IMMP2L: variants seen among roughly 807,000 people sequenced by gnomAD.
IMMP2L encodes the protein inner mitochondrial membrane peptidase subunit 2.
In IMMP2L, 18 loss-of-function variants were observed where a neutral mutation model predicts 19.3. That is an observed-to-expected ratio of 0.93 (90% CI 0.64 to 1.38). The LOEUF (loss-of-function observed/expected upper bound fraction) is 1.38, where lower values mean the gene tolerates loss of function less well. IMMP2L is among the 40% of genes most tolerant of loss of function. IMMP2L has a pLI of 0.00. For missense variants in IMMP2L, 233 were observed against 218.2 expected (o/e 1.07, Z -0.43); for synonymous variants, 76 against 73.0 (o/e 1.04, Z -0.21).
intron 3 of IMMP2L, among the ~76,000 whole-genome samples, chr7:111,347,265 G>C (rs934339534): frequency 3.9e-5 from 6 of 152,014 alleles, no homozygotes; most frequent in African/African-American, 1.4e-4. Context: ...TTTTAAAGAA[G>C]CTTGGTTAAG....
Position 111,404,682 on chromosome 7 carries a change from A to T in IMMP2L, c.239+82556T>A, listed in dbSNP as rs1361381028. ...ATCACTTCATTCTTAAGGTCCCAAC[A>T]CCCTAAAAATAAAGTTTATTCTAAA... On this transcript the variant is annotated intron_variant, in intron 3 of 5. Coordinates refer to ENST00000405709, the MANE Select transcript of IMMP2L (RefSeq NM_032549.4). 1.3e-5 allele frequency among the ~76,000 whole-genome samples: 2 copies of T among 152,098 alleles called. 1 individual carries two copies. The highest frequency in any genetic ancestry group is 4.8e-5 in the African/African-American group (2 of 41,424).
intron 3 of IMMP2L, among the ~76,000 whole-genome samples, chr7:111,020,370 A>G (rs973412452): frequency 6.6e-6 from 1 of 151,948 alleles, no homozygotes; most frequent in Non-Finnish European, 1.5e-5. Flanking sequence ...AGTGACAGAG[A>G]GGGATTCCAT....
rs535510087 is a variant in IMMP2L, at chr7:111,084,315, A to G, written c.240-120750T>C. Among the ~76,000 whole-genome samples the G allele has an allele frequency of 9.0e-3, 1,367 of 151,762 alleles. 27 individuals are homozygous for G. The highest frequency in any genetic ancestry group is 0.032 in the African/African-American group (1,317 of 41,416). ...GAAATAAAATTAAAAAAAAAAAAAA[A>G]AAAGAAAGGAAAAAAGAAGAAAGCC... On this transcript the variant is annotated intron_variant, in intron 3 of 5. Transcript: ENST00000405709.
intron 5 of IMMP2L, among the ~76,000 whole-genome samples, chr7:110,700,170 C>T (rs4615486): frequency 0.89 from 135,636 of 152,200 alleles, 60,560 homozygotes; most frequent in African/African-American, 0.92. Flanking sequence ...AAATACGGCT[C>T]GTTTCAAGCC....
chr7:110,847,521 A>G (rs1805789393), intron 5 of IMMP2L, among the ~76,000 whole-genome samples: 1 of 152,206 alleles, frequency 6.6e-6, no homozygotes, highest in Non-Finnish European at 1.5e-5. Flanking sequence ...TAGGTTCAAC[A>G]TAACCTCAAT....
intron 3 of IMMP2L, among the ~76,000 whole-genome samples, chr7:111,406,869 G>A (rs1248144897): frequency 6.6e-6 from 1 of 152,032 alleles, no homozygotes; most frequent in Non-Finnish European, 1.5e-5. Context: ...AAGGAAGCAG[G>A]ACAGGCAGAG....
intron 4 of IMMP2L, among the ~76,000 whole-genome samples, chr7:110,961,901 G>A (rs865970564): frequency 2.0e-5 from 3 of 151,870 alleles, no homozygotes; most frequent in African/African-American, 7.2e-5. Context: ...GGCTGTCTGG[G>A]GTTGGGAGTT....
intron 3 of IMMP2L, among the ~76,000 whole-genome samples, chr7:110,984,103 T>A (rs1291591277): frequency 2.0e-5 from 3 of 151,994 alleles, no homozygotes; most frequent in Non-Finnish European, 4.4e-5. Flanking sequence ...TGATTTAATC[T>A]CTTACTGTTT....
intron 3 of IMMP2L, among the ~76,000 whole-genome samples, chr7:111,435,318 T>A (rs1438775660): frequency 6.6e-6 from 1 of 151,858 alleles, no homozygotes; most frequent in African/African-American, 2.4e-5. Flanking sequence ...AAAGAAAATG[T>A]GGTATATATA....
intron 5 of IMMP2L, among the ~76,000 whole-genome samples, chr7:110,805,630 T>G (rs1041824055): frequency 2.0e-5 from 3 of 152,066 alleles, no homozygotes; most frequent in Non-Finnish European, 4.4e-5. Context: ...TCAAGATTTA[T>G]GAGCAATTGT....
chr7:111,561,519 CTAA>C (rs990147254), intron 1 of IMMP2L, among the ~76,000 whole-genome samples: 7 of 152,062 alleles, frequency 4.6e-5, no homozygotes, highest in Non-Finnish European at 2.9e-5. Flanking sequence ...TCAAAGCTGG[CTAA>C]TAAGATAGGG....
chr7:110,814,700 G>GAT (rs143894798), intron 5 of IMMP2L, among the ~76,000 whole-genome samples: 1,448 of 143,910 alleles, frequency 0.01, 7 homozygotes, highest in African/African-American at 0.015. Context: ...GTCAAGTACA[G>GAT]ATATATATAT....
chr7:111,338,111 G>C (rs1826635057), intron 3 of IMMP2L, among the ~76,000 whole-genome samples: 1 of 152,148 alleles, frequency 6.6e-6, no homozygotes, highest in Non-Finnish European at 1.5e-5. Context: ...AGCACTTCAT[G>C]GAGGAGGCAG....
At chr7:111,474,255 T>C (rs563003433) in intron 3 of IMMP2L, among the ~76,000 whole-genome samples, 19 of 152,202 alleles carry the variant, frequency 1.2e-4, no homozygotes, top group African/African-American at 3.9e-4. Context: ...GGATCAATCA[T>C]ACCCTAAACC....
At chr7:111,221,049 G>A (rs900262516) in intron 3 of IMMP2L, among the ~76,000 whole-genome samples, 4 of 151,982 alleles carry the variant, frequency 2.6e-5, no homozygotes, top group African/African-American at 7.2e-5. Context: ...CTAAAATAAT[G>A]TTTAACCAGA....
At chr7:111,430,495 T>A (rs113273339) in intron 3 of IMMP2L, among the ~76,000 whole-genome samples, 3,239 of 151,850 alleles carry the variant, frequency 0.021, 206 homozygotes, top group African/African-American at 0.075. Flanking sequence ...GACTATATAA[T>A]CCTGTTAGCC....
chr7:111,215,448 G>A (rs1718743529), intron 3 of IMMP2L, among the ~76,000 whole-genome samples: 1 of 152,066 alleles, frequency 6.6e-6, no homozygotes, highest in Non-Finnish European at 1.5e-5. Context: ...GAATCATGAA[G>A]ATATTCTAGC....
At chr7:111,400,677 C>G (rs1295164889) in intron 3 of IMMP2L, among the ~76,000 whole-genome samples, 1 of 152,052 alleles carries the variant, frequency 6.6e-6, no homozygotes, top group Admixed American at 6.6e-5. Context: ...TACTGCATGG[C>G]TTATTCAGAA....
intron 3 of IMMP2L, among the ~76,000 whole-genome samples, chr7:110,999,608 A>G (rs79357986): frequency 1.0e-5 from 1 of 98,396 alleles, no homozygotes; most frequent in Non-Finnish European, 2.1e-5. Context: ...TTCGATGAAT[A>G]AAAAAAAAAA....
Sources: allele counts gnomAD v4.1 joint callset (sites outside exome capture counted in the v4.1 genomes callset), GRCh38; gene constraint gnomAD v4.1.1; transcripts MANE v1.5; gene names NCBI Gene and HGNC (gene_info 2026-07-23, HGNC 2026-07-21).